The following RBFOX1 variants were observed in gnomAD, a reference collection of about 807,000 sequenced individuals.
RBFOX1 encodes RNA binding fox-1 homolog 1, also known as RNA binding protein fox-1 homolog 1.
Under a neutral mutation model 57.7 loss-of-function variants are expected in RBFOX1, and 8 were observed. That is an observed-to-expected ratio of 0.14 (90% CI 0.08 to 0.25). The LOEUF (loss-of-function observed/expected upper bound fraction) is 0.25. Ranked by LOEUF, RBFOX1 falls within the 10% of genes least tolerant of loss-of-function variation. The pLI, the probability that RBFOX1 is intolerant of heterozygous loss-of-function variation, is 1.00. For missense variants in RBFOX1, 611 were observed against 548.5 expected, an observed-to-expected ratio of 1.11 and a Z score of -1.14; for synonymous variants, 326 against 222.4, an observed-to-expected ratio of 1.47 and a Z score of -4.15.
chr16:5,476,504 G>C (rs995958441), intron 2 of RBFOX1, among the ~76,000 whole-genome samples: 1 of 152,218 alleles, frequency 6.6e-6, no homozygotes, highest in Non-Finnish European at 1.5e-5. Flanking sequence ...TAGTGGTCAA[G>C]TAAGTGAACT....
chr16:7,291,470 A>T (rs2095772231), intron 4 of RBFOX1, among the ~76,000 whole-genome samples: 2 of 152,098 alleles, frequency 1.3e-5, no homozygotes, highest in African/African-American at 4.8e-5. Context: ...TAGTTGGGAG[A>T]TGGAAGAGTT....
At chr16:7,406,954 TCTCTGC>T (rs1356564983) in intron 4 of RBFOX1, among the ~76,000 whole-genome samples, 1 of 152,178 alleles carries the variant, frequency 6.6e-6, no homozygotes, top group Non-Finnish European at 1.5e-5. Flanking sequence ...TCTCTCTCTG[TCTCTGC>T]CTCTGCGTTT....
chr16:6,728,741 C>T lies in RBFOX1; in HGVS notation c.-16+74091C>T, dbSNP rs550291346. Among the ~76,000 whole-genome samples, 4 of 152,250 alleles carry T rather than the reference C, an allele frequency of 2.6e-5. No homozygotes were observed. In the South Asian group the frequency reaches 6.2e-4, roughly 24 times the overall value. On this transcript the variant is annotated intron_variant, in intron 3 of 15. Coordinates refer to ENST00000550418, the MANE Select transcript of RBFOX1 (RefSeq NM_018723.4). ...TATTTAATGCTCAATAGAAGAAACA[C>T]GGTGTCTCCTTACCTTCTGAATTTC...
At chr16:6,902,153 T>C (rs1372135459) in intron 3 of RBFOX1, among the ~76,000 whole-genome samples, 1 of 152,188 alleles carries the variant, frequency 6.6e-6, no homozygotes, top group Non-Finnish European at 1.5e-5. Flanking sequence ...GGTGGTGCTT[T>C]TCGTACCTGG....
intron 2 of RBFOX1, among the ~76,000 whole-genome samples, chr16:5,591,737 T>G (rs907946785): frequency 6.6e-6 from 1 of 152,198 alleles, no homozygotes; most frequent in Non-Finnish European, 1.5e-5. Flanking sequence ...ACTGACAGTG[T>G]CTGGATTCAC....
chr16:6,446,370 A>G (rs2094485959), intron 2 of RBFOX1, among the ~76,000 whole-genome samples: 1 of 152,200 alleles, frequency 6.6e-6, no homozygotes, highest in African/African-American at 2.4e-5. Context: ...TTCCCATTGC[A>G]TCTTCAAAAG....
At chr16:7,346,829 A>G (rs760125676) in intron 4 of RBFOX1, among the ~76,000 whole-genome samples, 4 of 152,178 alleles carry the variant, frequency 2.6e-5, no homozygotes, top group Admixed American at 1.3e-4. Context: ...GAAACCAAAG[A>G]TGATTCTTGA....
intron 4 of RBFOX1, among the ~76,000 whole-genome samples, chr16:7,438,796 C>T (rs1326548365): frequency 6.6e-6 from 1 of 152,188 alleles, no homozygotes; most frequent in African/African-American, 2.4e-5. Flanking sequence ...AATAGCGTAG[C>T]CTTGATGGGC....
chr16:7,319,274 G>C (rs1192893839), intron 4 of RBFOX1, among the ~76,000 whole-genome samples: 1 of 152,238 alleles, frequency 6.6e-6, no homozygotes, highest in South Asian at 2.1e-4. Context: ...AATATTGTTG[G>C]GGGAGATGTA....
chr16:5,740,413 T>C (rs1163926447), intron 3 of RBFOX1, among the ~76,000 whole-genome samples: 1 of 152,240 alleles, frequency 6.6e-6, no homozygotes, highest in South Asian at 2.1e-4. Context: ...CTAGTGCGTA[T>C]GAAGACTTGC....
At chr16:6,593,123 C>T (rs1350359411) in intron 2 of RBFOX1, among the ~76,000 whole-genome samples, 1 of 152,174 alleles carries the variant, frequency 6.6e-6, no homozygotes, top group Non-Finnish European at 1.5e-5. Context: ...GCCTGGAAGA[C>T]AGAGGTTGCA....
intron 4 of RBFOX1, among the ~76,000 whole-genome samples, chr16:7,308,920 A>G (rs1017182476): frequency 1.3e-5 from 2 of 152,220 alleles, no homozygotes; most frequent in East Asian, 1.9e-4. Context: ...CTGATGATTT[A>G]TAGGGGGCCA....
chr16:7,067,272 G>C (rs1374889957), intron 4 of RBFOX1, among the ~76,000 whole-genome samples: 1 of 150,696 alleles, frequency 6.6e-6, no homozygotes, highest in Non-Finnish European at 1.5e-5. Flanking sequence ...GTTGAAATCT[G>C]TGTTAGTTTT....
chr16:5,490,973 TA>T (rs1474498691), intron 2 of RBFOX1, among the ~76,000 whole-genome samples: 1 of 151,462 alleles, frequency 6.6e-6, no homozygotes, highest in Non-Finnish European at 1.5e-5. Flanking sequence ...TTTATTTATA[TA>T]TTTTTTTCCA....
chr16:6,960,200 G>T (rs141007422), intron 3 of RBFOX1, among the ~76,000 whole-genome samples: 4,235 of 152,112 alleles, frequency 0.028, 125 homozygotes, highest in East Asian at 0.083. Flanking sequence ...GGAGACAAGA[G>T]AAGGATAATC....
At chr16:6,852,327 G>T (rs939067795) in intron 3 of RBFOX1, among the ~76,000 whole-genome samples, 4 of 152,130 alleles carry the variant, frequency 2.6e-5, no homozygotes, top group Non-Finnish European at 4.4e-5. Flanking sequence ...TTGAGGTTGC[G>T]TGTAGGGCCC....
intron 4 of RBFOX1, among the ~76,000 whole-genome samples, chr16:5,951,455 ATGTGTG>A (rs547354362): frequency 1.3e-5 from 2 of 151,872 alleles, no homozygotes; most frequent in African/African-American, 2.4e-5. Flanking sequence ...CTCAAAATAT[ATGTGTG>A]TGTGTGTATG....
chr16:7,500,838 A>G lies in RBFOX1; in HGVS notation c.28-17309A>G, dbSNP rs187391701. Among the ~76,000 whole-genome samples the G allele has an allele frequency of 1.9e-3, 294 of 152,242 alleles. 4 individuals are homozygous for G. The highest frequency in any genetic ancestry group is 6.4e-3 in the African/African-American group (264 of 41,544). ...TTGAACTCTAGTTCCCATAATCCCC[A>G]TGTCTCGTGAGAGGGACCCGGTGGG... On this transcript the variant is annotated intron_variant, in intron 4 of 15. Transcript: ENST00000550418.
At chr16:5,838,100 A>T (rs1013193718) in intron 3 of RBFOX1, 1 of 153,352 alleles carries the variant, frequency 6.5e-6, no homozygotes, top group Non-Finnish European at 1.5e-5. Context: ...AAGATGATGC[A>T]AGGTTAATTT....
Sources: allele counts gnomAD v4.1 joint callset (sites outside exome capture counted in the v4.1 genomes callset), GRCh38; gene constraint gnomAD v4.1.1; transcripts MANE v1.5; gene names NCBI Gene and HGNC (gene_info 2026-07-23, HGNC 2026-07-21).